Variants in KCNN2 observed in about 807,000 individuals in gnomAD.
The protein encoded by KCNN2 is small conductance calcium-activated potassium channel protein 2.
KCNN2 carries 24 observed loss-of-function variants against 55.5 expected under a neutral mutation model. That is an observed-to-expected ratio of 0.43 (90% CI 0.31 to 0.61). The LOEUF is 0.61. KCNN2 is among the 20% of genes least tolerant of loss of function. The pLI, the probability that KCNN2 is intolerant of heterozygous loss-of-function variation, is 0.08. For missense variants in KCNN2, 754 were observed against 853.6 expected (o/e 0.88, Z 1.45); for synonymous variants, 431 against 336.1 (o/e 1.28, Z -3.09).
chr5:114,224,977 G>A (rs925784000), intron 2 of KCNN2, among the ~76,000 whole-genome samples: 1 of 152,120 alleles, frequency 6.6e-6, no homozygotes, highest in Admixed American at 6.5e-5. Context: ...AGTGATGCAG[G>A]AACAGAAAGA....
chr5:114,470,850 G>T (rs1761698355), intron 4 of KCNN2, among the ~76,000 whole-genome samples: 1 of 152,146 alleles, frequency 6.6e-6, no homozygotes, highest in Admixed American at 6.5e-5. Context: ...ATCACCTGGA[G>T]AGCTTTTAAA....
intron 7 of KCNN2, among the ~76,000 whole-genome samples, chr5:114,494,206 C>G (rs1302539322): frequency 6.6e-6 from 1 of 151,472 alleles, no homozygotes. Flanking sequence ...AATTGTTCAG[C>G]CTTTTACCCA....
chr5:114,165,539 TATTGATTA>T (rs1752891307), intron 1 of KCNN2, among the ~76,000 whole-genome samples: 1 of 152,156 alleles, frequency 6.6e-6, no homozygotes, highest in African/African-American at 2.4e-5. Context: ...TTACTTAGTT[TATTGATTA>T]GGTTGATTGT....
At chr5:114,105,426 C>T (rs1457732023) in intron 1 of KCNN2, among the ~76,000 whole-genome samples, 1 of 152,038 alleles carries the variant, frequency 6.6e-6, no homozygotes, top group Non-Finnish European at 1.5e-5. Flanking sequence ...TCATTTGCTT[C>T]TGGTATTCTT....
chr5:114,103,309 C>T (rs963791983), intron 1 of KCNN2, among the ~76,000 whole-genome samples: 4 of 152,154 alleles, frequency 2.6e-5, no homozygotes, highest in Non-Finnish European at 5.9e-5. Flanking sequence ...TGCTTATCGG[C>T]TTAAGAAGTT....
chr5:114,210,146 C>G (rs1311820147), intron 1 of KCNN2, among the ~76,000 whole-genome samples: 3 of 152,050 alleles, frequency 2.0e-5, no homozygotes, highest in Admixed American at 6.6e-5. Flanking sequence ...ATTTTGCTGT[C>G]TAAACTGGCT....
At chr5:114,401,262 A>G (rs1445380155) in intron 2 of KCNN2, among the ~76,000 whole-genome samples, 4 of 152,246 alleles carry the variant, frequency 2.6e-5, no homozygotes, top group Non-Finnish European at 5.9e-5. Flanking sequence ...ACTATGTAAT[A>G]GAACATTTTA....
At chr5:114,396,370 A>G (rs1758617777) in intron 2 of KCNN2, among the ~76,000 whole-genome samples, 1 of 152,128 alleles carries the variant, frequency 6.6e-6, no homozygotes, top group Non-Finnish European at 1.5e-5. Flanking sequence ...GCCATACAGC[A>G]TTTTTCTTTG....
chr5:114,215,753 A>T (rs1292608524), intron 1 of KCNN2, among the ~76,000 whole-genome samples: 1 of 152,142 alleles, frequency 6.6e-6, no homozygotes, highest in Non-Finnish European at 1.5e-5. Context: ...CATCACCTGT[A>T]GCCTCCACAT....
chr5:114,095,864 A>C (rs1751245205), intron 1 of KCNN2, among the ~76,000 whole-genome samples: 1 of 151,982 alleles, frequency 6.6e-6, no homozygotes, highest in Non-Finnish European at 1.5e-5. Context: ...TCCTTTGTAC[A>C]CTGTGCTGAG....
intron 2 of KCNN2, among the ~76,000 whole-genome samples, chr5:114,341,208 T>G (rs1757009579): frequency 6.6e-6 from 1 of 152,184 alleles, no homozygotes; most frequent in African/African-American, 2.4e-5. Context: ...CAAAGATAGC[T>G]AAATGTAAAT....
At chr5:114,109,400 G>A (rs548089851) in intron 1 of KCNN2, among the ~76,000 whole-genome samples, 6 of 152,140 alleles carry the variant, frequency 3.9e-5, no homozygotes, top group African/African-American at 1.4e-4. Context: ...TTGGTTAGAA[G>A]GAAGTTGCAG....
chr5:114,183,693 T>TTTCAG (rs1193330422), intron 1 of KCNN2, among the ~76,000 whole-genome samples: 5 of 152,070 alleles, frequency 3.3e-5, no homozygotes, highest in Non-Finnish European at 5.9e-5. Flanking sequence ...ATATAAGTCC[T>TTTCAG]TTCAGTTCTG....
intron 1 of KCNN2, among the ~76,000 whole-genome samples, chr5:114,151,846 TTTATCACA>T (rs1265503740): frequency 3.9e-5 from 6 of 152,216 alleles, no homozygotes; most frequent in Non-Finnish European, 8.8e-5. Context: ...GTGCTTTCTC[TTTATCACA>T]TTTTTCAATG....
At chr5:114,155,144 T>A (rs1752604205) in intron 1 of KCNN2, among the ~76,000 whole-genome samples, 1 of 151,704 alleles carries the variant, frequency 6.6e-6, no homozygotes, top group South Asian at 2.1e-4. Context: ...TGGTATTTGG[T>A]TTTCTGTTCC....
chr5:114,070,481 C>G (rs1277312423), intron 1 of KCNN2, among the ~76,000 whole-genome samples: 2 of 152,236 alleles, frequency 1.3e-5, no homozygotes, highest in East Asian at 1.9e-4. Flanking sequence ...CACATCTCCT[C>G]TGAAAAAGCT....
chr5:114,322,066 A>T (rs1756625423), intron 2 of KCNN2, among the ~76,000 whole-genome samples: 1 of 152,242 alleles, frequency 6.6e-6, no homozygotes. Flanking sequence ...TTCTAAGACA[A>T]CTGGAAGTTC....
chr5:114,237,255 T>C (rs58821534), intron 2 of KCNN2, among the ~76,000 whole-genome samples: 2 of 77,894 alleles, frequency 2.6e-5, no homozygotes, highest in East Asian at 3.0e-4. Flanking sequence ...GTTGTCAAAA[T>C]TCACACACAC....
At chr5:114,231,608 G>A (rs541850359) in intron 2 of KCNN2, among the ~76,000 whole-genome samples, 2 of 151,222 alleles carry the variant, frequency 1.3e-5, no homozygotes, top group African/African-American at 4.9e-5. Flanking sequence ...TATGCTGATA[G>A]TGATCACCAT....
Sources: gnomAD v4.1 joint callset for allele counts (sites outside exome capture counted in the v4.1 genomes callset) on GRCh38, gnomAD v4.1.1 for gene constraint, MANE v1.5 for transcripts, NCBI Gene and HGNC (gene_info 2026-07-23, HGNC 2026-07-21) for gene names.